Variants in ATP10A observed in about 807,000 individuals in gnomAD.
ATP10A encodes the protein phospholipid-transporting ATPase VA.
ATP10A carries 111 observed loss-of-function variants against 147.8 expected under a neutral mutation model. That is an observed-to-expected ratio of 0.75 (90% CI 0.64 to 0.88). ATP10A has a LOEUF of 0.88. Among genes scored for constraint, ATP10A ranks in the 40% least tolerant of loss-of-function variants. The pLI, the probability that ATP10A is intolerant of heterozygous loss-of-function variation, is 0.00. For synonymous variants in ATP10A, 875 were observed against 841.6 expected (o/e 1.04, Z -0.69); for missense variants, 1,927 against 1,959.0 (o/e 0.98, Z 0.31).
At chr15:25,755,516 G>C (rs994114558) in intron 2 of ATP10A, among the ~76,000 whole-genome samples, 1 of 152,146 alleles carries the variant, frequency 6.6e-6, no homozygotes, top group Non-Finnish European at 1.5e-5. Context: ...GACTGCCCTG[G>C]AGCACTTTCT....
At position 25,771,220 on chromosome 15, in the gene ATP10A, G is replaced by A. The variant is rs147812704; in HGVS notation, c.654+9799C>T. On this transcript the variant is annotated intron_variant, in intron 2 of 20. Coordinates refer to ENST00000555815, the MANE Select transcript of ATP10A (RefSeq NM_024490.4). ...AGGGGTGCAGCACAACATGCCCCCC[G>A]GGATCACTCATGAGGACATTGTTTG... is the stretch of plus-strand genomic sequence containing the variant. 4.0e-3 allele frequency among the ~76,000 whole-genome samples: 601 copies of A among 152,022 alleles called. 4 individuals are homozygous for A. Among genetic ancestry groups the A allele is most frequent in the African/African-American group, 0.014 (593 of 41,452 alleles).
In ATP10A at chr15:25,786,124, G is replaced by A. The variant is rs1004833260; in HGVS notation, c.450-4901C>T. ...GAGCACAGGCCATGCAGGCAAGGTCGTGCCCAGGCGGGGAAGCTGGCGTTG... is the reference window on the plus strand; with the variant it reads ...GAGCACAGGCCATGCAGGCAAGGTCATGCCCAGGCGGGGAAGCTGGCGTTG... On this transcript the variant is annotated intron_variant, in intron 1 of 20. Transcript: ENST00000555815. Among the ~76,000 whole-genome samples the A allele has an allele frequency of 3.3e-5, 5 of 152,236 alleles. No individual in the cohort carries two copies. The East Asian group carries it at 7.7e-4, about 24-fold the overall frequency.
At chr15:25,739,766 A>T (rs1265603730) in intron 2 of ATP10A, among the ~76,000 whole-genome samples, 5 of 152,224 alleles carry the variant, frequency 3.3e-5, no homozygotes. Flanking sequence ...GCAAGAAAGA[A>T]AGTGCTCACA....
chr15:25,688,797 C>A (rs1335984207), intron 15 of ATP10A, among the ~76,000 whole-genome samples: 1 of 152,142 alleles, frequency 6.6e-6, no homozygotes, highest in Non-Finnish European at 1.5e-5. Context: ...ATTTTCTGAA[C>A]CAAAAGTTAA....
chr15:25,850,408 G>A (rs1190639225), intron 1 of ATP10A, among the ~76,000 whole-genome samples: 1 of 152,140 alleles, frequency 6.6e-6, no homozygotes, highest in Non-Finnish European at 1.5e-5. Flanking sequence ...GAACAAAACT[G>A]ATTTCCAACT....
intron 14 of ATP10A, among the ~76,000 whole-genome samples, chr15:25,692,845 G>A (rs1900111556): frequency 6.6e-6 from 1 of 151,944 alleles, no homozygotes; most frequent in Non-Finnish European, 1.5e-5. Flanking sequence ...ACCCAGGCTA[G>A]GTGGGAGTGC....
chr15:25,785,161 C>T (rs977938537), intron 1 of ATP10A, among the ~76,000 whole-genome samples: 8 of 152,130 alleles, frequency 5.3e-5, no homozygotes, highest in Admixed American at 1.3e-4. Flanking sequence ...TCACCACTGG[C>T]TGCATTTCCC....
At chr15:25,813,751 A>G (rs1418876576) in intron 1 of ATP10A, among the ~76,000 whole-genome samples, 1 of 152,222 alleles carries the variant, frequency 6.6e-6, no homozygotes, top group African/African-American at 2.4e-5. Flanking sequence ...CAGATGAAAA[A>G]CCCACTGATG....
chr15:25,745,737 TA>T (rs1345238959), intron 2 of ATP10A, among the ~76,000 whole-genome samples: 1 of 152,218 alleles, frequency 6.6e-6, no homozygotes, highest in Admixed American at 6.5e-5. Context: ...CAAGAGTATG[TA>T]AGTTGGAAGA....
intron 1 of ATP10A, among the ~76,000 whole-genome samples, chr15:25,854,146 T>C (rs1057259186): frequency 9.9e-5 from 15 of 152,004 alleles, no homozygotes; most frequent in African/African-American, 3.1e-4. Context: ...CCAGCCAAAA[T>C]AGATGAGCCT....
chr15:25,776,620 G>A (rs1024430490), intron 2 of ATP10A, among the ~76,000 whole-genome samples: 10 of 152,166 alleles, frequency 6.6e-5, no homozygotes, highest in South Asian at 2.1e-4. Flanking sequence ...AAATCTTTAC[G>A]TCTCAAGATC....
Position 25,714,070 on chromosome 15 carries a change from T to C in ATP10A, c.1948A>G (p.Met650Val), listed in dbSNP as rs141203643. The C allele has an allele frequency of 3.1e-6, 5 of 1,612,976 alleles. No homozygotes were observed. The African/African-American group carries it at 6.7e-5, about 22-fold the overall frequency. ...AGCCTCTCCTCCAGCCTGAGAAGCA[T>C]GCCGTCGCTGGACGGGGTGGACGGG... ...SFPSTPSSDG[M>V]LLRLEERLGQ... Residue 650 changes from methionine to valine, a missense_variant, in exon 10 of 21, where the codon ATG becomes GTG. Physicochemically the swap from Met to Val is conservative, Grantham distance 21. Coordinates refer to ENST00000555815, the MANE Select transcript of ATP10A (RefSeq NM_024490.4).
At chr15:25,824,176 A>G (rs1418721746) in intron 1 of ATP10A, among the ~76,000 whole-genome samples, 1 of 152,222 alleles carries the variant, frequency 6.6e-6, no homozygotes, top group African/African-American at 2.4e-5. Context: ...AAACATAGTA[A>G]TTGAAAAAAA....
upstream of ATP10A, among the ~76,000 whole-genome samples, chr15:25,864,713 G>A (rs370119741): frequency 3.3e-5 from 5 of 152,310 alleles, no homozygotes; most frequent in South Asian, 8.3e-4. Flanking sequence ...CATTGTTGGG[G>A]AAAGGAGTCA....
chr15:25,790,543 A>T (rs1032202324), intron 1 of ATP10A, among the ~76,000 whole-genome samples: 4 of 152,228 alleles, frequency 2.6e-5, no homozygotes, highest in African/African-American at 9.6e-5. Flanking sequence ...AGAGTCTCTC[A>T]GCCCAGAGAA....
chr15:25,790,013 T>C lies in ATP10A; in HGVS notation c.450-8790A>G, dbSNP rs113716496. Among the ~76,000 whole-genome samples the C allele has an allele frequency of 7.7e-3, 1,166 of 152,306 alleles. 18 individuals carry two copies. Among genetic ancestry groups the C allele is most frequent in the East Asian group, 0.03 (153 of 5,178 alleles). On this transcript the variant is annotated intron_variant, in intron 1 of 20. Transcript: ENST00000555815. ...ATTAAGTAAATGTTTACAGAACCAA[T>C]GTATTTTTAAAATCATGAAGGTGAG...
intron 1 of ATP10A, among the ~76,000 whole-genome samples, chr15:25,826,722 GA>G (rs1457050444): frequency 1.3e-5 from 2 of 152,152 alleles, no homozygotes; most frequent in African/African-American, 4.8e-5. Flanking sequence ...TTGAACCCAG[GA>G]GGCAGAGGCT....
rs1424767916 is a variant in ATP10A at position 25,863,023 on chromosome 15, C to A, written c.74G>T (p.Arg25Leu). Residue 25 changes from arginine (R) to leucine (L), a missense_variant, in exon 1 of 21, where the codon CGC becomes CTC. Arg to Leu is a moderately radical substitution (Grantham distance 102). Transcript: ENST00000555815. ...GRRRRREGRT[R>L]TVRSNLLPPP... Reference sequence around the variant, plus strand: ...CGGCAGCAGGTTGGAGCGCACCGTGCGCGTCCTGCCCTCTCGGCGCCTCCG... The same window carrying A: ...CGGCAGCAGGTTGGAGCGCACCGTGAGCGTCCTGCCCTCTCGGCGCCTCCG... The A allele has an allele frequency of 7.5e-7, 1 of 1,333,304 alleles. No individual in the cohort carries two copies. Among genetic ancestry groups the A allele is most frequent in the Non-Finnish European group, 9.5e-7 (1 of 1,049,556 alleles). 82.6% of individuals were successfully genotyped at this position (1,333,304 alleles called of 1,614,324 possible).
intron 2 of ATP10A, among the ~76,000 whole-genome samples, chr15:25,751,232 C>G (rs1888141947): frequency 6.6e-6 from 1 of 151,990 alleles, no homozygotes; most frequent in Non-Finnish European, 1.5e-5. Context: ...TATAAAAGGG[C>G]CAAAATGCCC....
Sources: allele counts gnomAD v4.1 joint callset (sites outside exome capture counted in the v4.1 genomes callset), GRCh38; gene constraint gnomAD v4.1.1; transcripts MANE v1.5; gene names NCBI Gene and HGNC (gene_info 2026-07-23, HGNC 2026-07-21).